The following PPP2R3C variants were observed in gnomAD, a reference collection of about 807,000 sequenced individuals.
PPP2R3C encodes the protein serine/threonine-protein phosphatase 2A regulatory subunit B'' subunit gamma.
A neutral mutation model predicts 63.7 loss-of-function variants in PPP2R3C; 47 were observed. The ratio of observed to expected loss-of-function variants is 0.74; its 90% CI spans 0.58 to 0.94. PPP2R3C has a LOEUF of 0.94. PPP2R3C is among the 40% of genes least tolerant of loss of function. The probability of loss-of-function intolerance (pLI) is 0.00; values close to 1 mark genes in which losing one functional copy is unlikely to be tolerated. For missense variants in PPP2R3C, 421 were observed against 518.4 expected (o/e 0.81, Z 1.82); for synonymous variants, 180 against 177.4 (o/e 1.01, Z -0.12).
At chr14:35,107,709 G>T in intron 5 of PPP2R3C, 1 of 364,450 alleles carries the variant, frequency 2.7e-6, no homozygotes, top group South Asian at 5.7e-5. Flanking sequence ...ATTAAAGATT[G>T]TATACAATAG....
chr14:35,089,423 T>G (rs1464639519), intron 11 of PPP2R3C, among the ~76,000 whole-genome samples: 1 of 151,958 alleles, frequency 6.6e-6, no homozygotes, highest in Non-Finnish European at 1.5e-5. Context: ...TTTTCATGGT[T>G]TATTTCAACA....
At chr14:35,121,811 G>T (rs78519282) in intron 1 of PPP2R3C, 91 bp downstream of exon 1, 1 of 1,388,612 alleles carries the variant, frequency 7.2e-7, no homozygotes, top group Non-Finnish European at 1.0e-6. Context: ...CGGAAAAGGC[G>T]GCTCCCCCTT....
chr14:35,111,360 T>C (rs192758440), intron 2 of PPP2R3C, among the ~76,000 whole-genome samples: 203 of 152,078 alleles, frequency 1.3e-3, no homozygotes, highest in South Asian at 5.4e-3. Flanking sequence ...GTGAAAGAGA[T>C]CTGACCTAAC....
chr14:35,108,391 CT>C (rs10656897), intron 4 of PPP2R3C, among the ~76,000 whole-genome samples, 155 bp from the exon 5 acceptor site: 9,998 of 145,718 alleles, frequency 0.069, 382 homozygotes, highest in Middle Eastern at 0.12. Flanking sequence ...TTAAGTCAAA[CT>C]TTTTTTTTTT....
At chr14:35,105,714 A>G (rs2046330413) in intron 6 of PPP2R3C, among the ~76,000 whole-genome samples, 1 of 152,172 alleles carries the variant, frequency 6.6e-6, no homozygotes, top group Non-Finnish European at 1.5e-5. Flanking sequence ...CTCTGCTGGA[A>G]GCTGGAAGGT....
intron 1 of PPP2R3C, among the ~76,000 whole-genome samples, chr14:35,118,694 C>T (rs2046775440): frequency 7.1e-6 from 1 of 140,736 alleles, no homozygotes; most frequent in Admixed American, 7.5e-5. Flanking sequence ...CTCACTGTCA[C>T]CCAGGCTGGA....
chr14:35,108,032 A>G (rs967481496), intron 5 of PPP2R3C, 107 bp downstream of exon 5: 2 of 1,425,994 alleles, frequency 1.4e-6, no homozygotes, highest in African/African-American at 1.5e-5. Flanking sequence ...AAATTCTACT[A>G]TTCAAACTTA....
intron 9 of PPP2R3C, among the ~76,000 whole-genome samples, chr14:35,096,208 C>A (rs1030656064): frequency 1.4e-5 from 2 of 145,450 alleles, no homozygotes; most frequent in Non-Finnish European, 3.0e-5. Flanking sequence ...CCAGGCATGG[C>A]GCCTGTAGAC....
chr14:35,088,980 A>G (rs2138599676), intron 11 of PPP2R3C, among the ~76,000 whole-genome samples: 1 of 152,326 alleles, frequency 6.6e-6, no homozygotes, highest in South Asian at 2.1e-4. Context: ...TTTCAAATAC[A>G]TTTATTTTCT....
At chr14:35,095,390 C>A (rs916740373) in intron 9 of PPP2R3C, among the ~76,000 whole-genome samples, 5 of 152,110 alleles carry the variant, frequency 3.3e-5, no homozygotes, top group Admixed American at 6.5e-5. Context: ...GCCAAAAAAA[C>A]CCATCATGAA....
In PPP2R3C at chr14:35,096,741, A is replaced by C; in HGVS notation, c.730T>G (p.Leu244Val). 6.3e-7 allele frequency: 1 copy of C among 1,589,396 alleles called. No individual in the cohort carries two copies. Among genetic ancestry groups the C allele is most frequent in the Admixed American group, 1.8e-5 (1 of 55,644 alleles). ...RTGKIKIQDI[L>V]ACSFLDDLLE... ...AAATCATCTAGGAAGCTGCATGCTA[A>C]AATATCTTGAATTTTTATCTTTCCT... The change falls in exon 8 of 13, where the codon TTA (leucine) becomes GTA (valine). Residue 244 changes from leucine to valine, a missense_variant. Around this residue, in one of 3 missense-constraint regions of PPP2R3C, gnomAD observed 231 missense variants for 264.8 expected, o/e 0.87. Transcript: ENST00000261475.
chr14:35,095,095 A>C lies in PPP2R3C; in HGVS notation c.928T>G (p.Phe310Val), dbSNP rs748629145. ...CACTCCTGGAAAACACGGTCTAAGA[A>C]GACATTGGTCATGGTAGCTGTTCCA... is the stretch of plus-strand genomic sequence containing the variant. ...RYGTATMTNV[F>V]LDRVFQECLT... Residue 310 changes from phenylalanine (F) to valine (V), a missense_variant, in exon 10 of 13, where the codon TTC becomes GTC. Coordinates refer to ENST00000261475, the MANE Select transcript of PPP2R3C (RefSeq NM_017917.4). The C allele has an allele frequency of 4.5e-5, 72 of 1,608,284 alleles. No homozygotes were observed. The highest frequency in any genetic ancestry group is 5.9e-5 in the Non-Finnish European group (69 of 1,174,756).
chr14:35,098,356 T>TG, intron 7 of PPP2R3C, among the ~76,000 whole-genome samples: 1 of 147,196 alleles, frequency 6.8e-6, no homozygotes, highest in South Asian at 2.2e-4. Context: ...GTTTTTTTTT[T>TG]TTTTTTTTTT....
At chr14:35,087,731 C>T (rs2045656930) in intron 12 of PPP2R3C, 2 of 500,784 alleles carry the variant, frequency 4.0e-6, no homozygotes, top group South Asian at 4.7e-5. Flanking sequence ...TGAATGAATG[C>T]TTCCAATGAA....
chr14:35,087,159 T>G (rs541141861), intron 12 of PPP2R3C: 3 of 152,298 alleles, frequency 2.0e-5, no homozygotes, highest in Non-Finnish European at 4.4e-5. Context: ...CTGGAACATA[T>G]AGAAGACCTC....
chr14:35,108,385 G>C, intron 4 of PPP2R3C, 149 bp from the exon 5 acceptor site: 2 of 1,029,150 alleles, frequency 1.9e-6, no homozygotes, highest in Non-Finnish European at 1.3e-6. Context: ...AAAATATTAA[G>C]TCAAACTTTT....
chr14:35,106,081 G>A (rs534024537), intron 6 of PPP2R3C, among the ~76,000 whole-genome samples: 1 of 151,862 alleles, frequency 6.6e-6, no homozygotes, highest in South Asian at 2.1e-4. Flanking sequence ...TCCTGACCTC[G>A]TGATCCGCCC....
intron 2 of PPP2R3C, among the ~76,000 whole-genome samples, chr14:35,113,400 C>T (rs529188416): frequency 4.6e-5 from 7 of 151,760 alleles, no homozygotes; most frequent in Non-Finnish European, 1.0e-4. Context: ...AGAAGTGACA[C>T]GAAGAAAGGA....
At chr14:35,108,810 C>T (rs764712739) in intron 4 of PPP2R3C, among the ~76,000 whole-genome samples, 74 of 151,900 alleles carry the variant, frequency 4.9e-4, no homozygotes, top group Non-Finnish European at 6.6e-4. Context: ...GAGATTTGCT[C>T]TGTTGCCCTG....
Sources: allele counts gnomAD v4.1 joint callset (sites outside exome capture counted in the v4.1 genomes callset), GRCh38; gene constraint gnomAD v4.1.1; regional missense constraint gnomAD v4.1.1; transcripts MANE v1.5; gene names NCBI Gene and HGNC (gene_info 2026-07-23, HGNC 2026-07-21).